NPR3: variants seen among roughly 807,000 people sequenced by gnomAD.
NPR3 encodes the protein atrial natriuretic peptide receptor 3.
In NPR3, 34 loss-of-function variants were observed where a neutral mutation model predicts 54.5. That is an observed-to-expected ratio of 0.62 (90% CI 0.47 to 0.83). The LOEUF is 0.83. NPR3 is among the 40% of genes least tolerant of loss of function. The probability of loss-of-function intolerance (pLI) is 0.00; values close to 1 mark genes in which losing one functional copy is unlikely to be tolerated. For missense variants in NPR3, 674 were observed against 720.8 expected (o/e 0.94, Z 0.74); for synonymous variants, 289 against 297.1 (o/e 0.97, Z 0.28).
chr5:32,711,547 A>ACTTATT lies in NPR3; in HGVS notation c.-227_-226insATTCTT. 1.0e-6 allele frequency: 1 copy of ACTTATT among 966,020 alleles called. No individual in the cohort carries two copies. Among genetic ancestry groups the ACTTATT allele is most frequent in the Non-Finnish European group, 1.3e-6 (1 of 766,770 alleles). 59.8% of individuals were successfully genotyped at this position (966,020 alleles called of 1,614,324 possible). On this transcript the variant is annotated 5_prime_UTR_variant, in exon 1 of 8. Transcript: ENST00000265074. ...AGACGCACAGGTTTACACCCGGTGAACTTTTTCTTTTTCTTTTTCTTTTTT... is the reference window on the plus strand; with the variant it reads ...AGACGCACAGGTTTACACCCGGTGAACTTATTCTTTTTCTTTTTCTTTTTCTTTTTT...
chr5:32,701,104 T>A (rs898380560), intron 1 of NPR3, among the ~76,000 whole-genome samples: 1 of 152,228 alleles, frequency 6.6e-6, no homozygotes, highest in African/African-American at 2.4e-5. Flanking sequence ...TGGCGCGAGA[T>A]GGTATCTCAT....
Position 32,789,429 on chromosome 5 carries a change from T to G in NPR3, c.*3084T>G. 1 of 529,674 alleles carries G rather than the reference T, an allele frequency of 1.9e-6. No individual in the cohort carries two copies. The highest frequency in any genetic ancestry group is 3.9e-6 in the Non-Finnish European group (1 of 258,058). 32.8% of individuals were successfully genotyped at this position (529,674 alleles called of 1,614,324 possible). A position where few individuals can be genotyped will look rare whatever the true frequency, so the allele number is the denominator to read the frequency against. ...GAGAAGGTCCCTGAAAACATCACATTTCTCTGAAGAACCATCAACTTGTCT... is the reference window on the plus strand; with the variant it reads ...GAGAAGGTCCCTGAAAACATCACATGTCTCTGAAGAACCATCAACTTGTCT... On this transcript the variant is annotated 3_prime_UTR_variant, in exon 8 of 8. Coordinates refer to ENST00000265074, the MANE Select transcript of NPR3 (RefSeq NM_001204375.2).
chr5:32,713,141 C>G (rs987856763), intron 1 of NPR3: 13 of 984,174 alleles, frequency 1.3e-5, no homozygotes, highest in Non-Finnish European at 1.6e-5. Context: ...AAACGAGCTT[C>G]TGTGGTTTCC....
intron 1 of NPR3, among the ~76,000 whole-genome samples, chr5:32,718,173 G>A (rs1352598770): frequency 6.6e-6 from 1 of 152,104 alleles, no homozygotes; most frequent in East Asian, 1.9e-4. Flanking sequence ...TGTTTCTGAG[G>A]CCTCTGTTCT....
chr5:32,701,170 T>C (rs1156919336), intron 1 of NPR3, among the ~76,000 whole-genome samples: 1 of 152,214 alleles, frequency 6.6e-6, no homozygotes, highest in African/African-American at 2.4e-5. Flanking sequence ...TTTTTTCAAG[T>C]GTCTGCTGGC....
chr5:32,750,371 G>A (rs1740516951), intron 3 of NPR3, among the ~76,000 whole-genome samples: 1 of 152,142 alleles, frequency 6.6e-6, no homozygotes, highest in Non-Finnish European at 1.5e-5. Context: ...CCCGACCTCA[G>A]GTGATCCGCC....
chr5:32,760,723 G>T, intron 3 of NPR3, among the ~76,000 whole-genome samples: 3 of 149,224 alleles, frequency 2.0e-5, no homozygotes, highest in South Asian at 2.1e-4. Flanking sequence ...TGCTTTTTTG[G>T]TATCATCTTT....
At chr5:32,766,184 G>C (rs1343774263) in intron 3 of NPR3, among the ~76,000 whole-genome samples, 1 of 152,242 alleles carries the variant, frequency 6.6e-6, no homozygotes, top group African/African-American at 2.4e-5. Context: ...GGAGTAACCT[G>C]AGAATATCCA....
rs928972489 is a variant in NPR3, at chr5:32,784,785, T to G, written c.1427-11T>G. ...CAAATGAACCCTGATTATCCATGCT[T>G]CTTTTTCAAGCAGGTGGCCTAGAAG... On this transcript the variant is annotated splice_polypyrimidine_tract_variant and intron_variant, in intron 6 of 7. Coordinates refer to ENST00000265074, the MANE Select transcript of NPR3 (RefSeq NM_001204375.2). The G allele has an allele frequency of 3.1e-6, 5 of 1,609,356 alleles. No individual in the cohort carries two copies. The African/African-American group carries it at 4.0e-5, about 13-fold the overall frequency.
At chr5:32,782,597 G>A (rs1425481598) in intron 5 of NPR3, among the ~76,000 whole-genome samples, 1 of 152,134 alleles carries the variant, frequency 6.6e-6, no homozygotes, top group Non-Finnish European at 1.5e-5. Context: ...TCCTGCTCTG[G>A]CACGACCGCT....
chr5:32,757,585 C>G (rs184404667), intron 3 of NPR3, among the ~76,000 whole-genome samples: 2,568 of 152,110 alleles, frequency 0.017, 75 homozygotes, highest in African/African-American at 0.059. Context: ...AATTGAATAC[C>G]CTTTATTTCT....
intron 3 of NPR3, among the ~76,000 whole-genome samples, chr5:32,741,325 G>A (rs1228731241): frequency 6.6e-6 from 1 of 152,168 alleles, no homozygotes; most frequent in African/African-American, 2.4e-5. Context: ...AGCTGAGGTA[G>A]GAGGATCACC....
intron 3 of NPR3, among the ~76,000 whole-genome samples, chr5:32,771,214 T>C (rs1171261213): frequency 6.6e-6 from 1 of 152,206 alleles, no homozygotes; most frequent in Non-Finnish European, 1.5e-5. Flanking sequence ...CTTGAGGTCC[T>C]GTGGGGTAGG....
At chr5:32,694,849 C>T (rs558151100) in intron 1 of NPR3, among the ~76,000 whole-genome samples, 2 of 151,878 alleles carry the variant, frequency 1.3e-5, no homozygotes, top group South Asian at 4.2e-4. Flanking sequence ...TGTTCTCCCT[C>T]CCCCACCCTG....
chr5:32,705,373 A>AG (rs1737960196), upstream of NPR3, among the ~76,000 whole-genome samples: 1 of 152,232 alleles, frequency 6.6e-6, no homozygotes, highest in South Asian at 2.1e-4. Context: ...CTATAAAGAA[A>AG]TACCTGAGAT....
At position 32,701,777 on chromosome 5, in the gene NPR3, A is replaced by G. The variant is rs75353704; in HGVS notation, c.100+12591A>G. On this transcript the variant is annotated intron_variant, in intron 1 of 5. Coordinates refer to the NPR3 transcript ENST00000509104. ...CATGCTGTGGCTTTTGCAGACTTATATAGGTACTGCCTTGGTGGTCTTGGA... is the reference window on the plus strand; with the variant it reads ...CATGCTGTGGCTTTTGCAGACTTATGTAGGTACTGCCTTGGTGGTCTTGGA... Among the ~76,000 whole-genome samples the G allele has an allele frequency of 6.6e-3, 999 of 152,336 alleles. 11 individuals carry two copies. The highest frequency in any genetic ancestry group is 0.022 in the African/African-American group (916 of 41,578).
At chr5:32,750,490 T>C (rs1163632244) in intron 3 of NPR3, among the ~76,000 whole-genome samples, 1 of 152,204 alleles carries the variant, frequency 6.6e-6, no homozygotes, top group Non-Finnish European at 1.5e-5. Context: ...CTTGTAGGTT[T>C]ATGTCTTAAA....
At chr5:32,728,307 A>G in intron 2 of NPR3, among the ~76,000 whole-genome samples, 1 of 152,088 alleles carries the variant, frequency 6.6e-6, no homozygotes. Flanking sequence ...TACTAAAAAT[A>G]CAAAAATTAG....
At chr5:32,754,494 A>C (rs1263840723) in intron 3 of NPR3, among the ~76,000 whole-genome samples, 1 of 152,204 alleles carries the variant, frequency 6.6e-6, no homozygotes, top group African/African-American at 2.4e-5. Context: ...TCTGGGGTCC[A>C]GCCAATTGTT....
Sources: gnomAD v4.1 joint callset for allele counts (sites outside exome capture counted in the v4.1 genomes callset) on GRCh38, gnomAD v4.1.1 for gene constraint, MANE v1.5 for transcripts, NCBI Gene and HGNC (gene_info 2026-07-23, HGNC 2026-07-21) for gene names.